Variants in PAK5 observed in about 807,000 individuals in gnomAD.
PAK5 encodes the protein serine/threonine-protein kinase PAK 5.
A neutral mutation model predicts 65.9 loss-of-function variants in PAK5; 16 were observed. The observed-to-expected ratio is 0.24, with a 90% confidence interval of 0.16 to 0.37. PAK5 has a LOEUF of 0.37. Among genes scored for constraint, PAK5 ranks in the 10% least tolerant of loss-of-function variants. PAK5 has a pLI of 1.00. For missense variants in PAK5, 785 were observed against 903.9 expected (o/e 0.87, Z 1.69); for synonymous variants, 371 against 354.9 (o/e 1.05, Z -0.51).
intron 1 of PAK5, among the ~76,000 whole-genome samples, chr20:9,783,403 C>T (rs554388752): frequency 1.3e-5 from 2 of 152,264 alleles, no homozygotes; most frequent in East Asian, 3.9e-4. Context: ...TTGCCTCCTA[C>T]CTGAAGTATG....
intron 1 of PAK5, among the ~76,000 whole-genome samples, chr20:9,721,465 T>C (rs2048212422): frequency 6.6e-6 from 1 of 151,836 alleles, no homozygotes; most frequent in South Asian, 2.1e-4. Flanking sequence ...CTGGCCAACA[T>C]GGTGAAACCC....
intron 1 of PAK5, among the ~76,000 whole-genome samples, chr20:9,721,405 T>C (rs2048211411): frequency 6.6e-6 from 1 of 152,040 alleles, no homozygotes; most frequent in African/African-American, 2.4e-5. Context: ...TTCAGCACTT[T>C]GGTAGGCCGA....
At chr20:9,558,043 T>TATTCATTCATTCATTCATTC (rs35860631) in intron 6 of PAK5, among the ~76,000 whole-genome samples, 27 of 138,952 alleles carry the variant, frequency 1.9e-4, no homozygotes, top group African/African-American at 6.8e-4. Context: ...TTTATTTATT[T>TATTCATTCATTCATTCATTC]ATTCATTCAT....
intron 1 of PAK5, among the ~76,000 whole-genome samples, chr20:9,727,255 G>A (rs1222976716): frequency 2.0e-5 from 3 of 152,008 alleles, no homozygotes; most frequent in African/African-American, 7.3e-5. Flanking sequence ...TGTACTATAC[G>A]GTAAAGGTTG....
chr20:9,784,376 C>T (rs188535431), intron 1 of PAK5: 3 of 152,124 alleles, frequency 2.0e-5, no homozygotes, highest in Admixed American at 6.5e-5. Flanking sequence ...AAGCATCCAG[C>T]GAAAGTTGGA....
At chr20:9,787,768 C>T (rs991648352) in intron 1 of PAK5, among the ~76,000 whole-genome samples, 46 of 151,942 alleles carry the variant, frequency 3.0e-4, no homozygotes, top group African/African-American at 1.1e-3. Flanking sequence ...CAGTAGACAC[C>T]ATGGTACAGT....
chr20:9,552,345 G>C (rs1189695646), intron 7 of PAK5, among the ~76,000 whole-genome samples: 2 of 152,152 alleles, frequency 1.3e-5, no homozygotes, highest in Non-Finnish European at 2.9e-5. Context: ...GTTGGCCCTA[G>C]GCCAAGGAAA....
At chr20:9,573,645 TGAGA>T (rs2045832052) in intron 4 of PAK5, among the ~76,000 whole-genome samples, 1 of 151,578 alleles carries the variant, frequency 6.6e-6, no homozygotes, top group South Asian at 2.1e-4. Context: ...TAGGGGAGGG[TGAGA>T]GAAAGAAGAG....
At chr20:9,709,067 T>C (rs2048045512) in intron 2 of PAK5, among the ~76,000 whole-genome samples, 1 of 152,186 alleles carries the variant, frequency 6.6e-6, no homozygotes, top group Non-Finnish European at 1.5e-5. Context: ...TAGTTCATGT[T>C]AGTCTTGTTG....
rs2123016674 is a variant in PAK5 at position 9,580,637 on chromosome 20, G to C, written c.498C>G (p.Ala166=). The C allele has an allele frequency of 6.2e-7, 1 of 1,614,050 alleles. No individual in the cohort carries two copies. ...TTTTCATTACGTGCCCATTTTGCTTGGCTGCGTGGCTGCCTCTATAATACG... is the reference window on the plus strand; with the variant it reads ...TTTTCATTACGTGCCCATTTTGCTTCGCTGCGTGGCTGCCTCTATAATACG... ...LDPYYRGSHA[A]KQNGHVMKMK... The change falls in exon 4 of 10, where the codon GCC becomes GCG. Residue 166 remains alanine (A), a synonymous_variant. Coordinates refer to ENST00000353224, the MANE Select transcript of PAK5 (RefSeq NM_177990.4).
chr20:9,765,988 C>T (rs2123660568), intron 1 of PAK5, among the ~76,000 whole-genome samples: 1 of 152,050 alleles, frequency 6.6e-6, no homozygotes, highest in Non-Finnish European at 1.5e-5. Flanking sequence ...CTTTGGGAGG[C>T]CCAGGCAGGC....
chr20:9,664,767 A>G (rs886259981), intron 2 of PAK5, among the ~76,000 whole-genome samples: 3 of 152,180 alleles, frequency 2.0e-5, no homozygotes, highest in African/African-American at 7.2e-5. Flanking sequence ...TTCATGTTAC[A>G]TATTGTAGCC....
At chr20:9,678,802 G>A (rs1363463767) in intron 2 of PAK5, among the ~76,000 whole-genome samples, 1 of 152,028 alleles carries the variant, frequency 6.6e-6, no homozygotes, top group Admixed American at 6.6e-5. Context: ...CATGACAACA[G>A]CATGGAGGTC....
At chr20:9,636,676 G>A (rs1242652866) in intron 3 of PAK5, among the ~76,000 whole-genome samples, 1 of 152,144 alleles carries the variant, frequency 6.6e-6, no homozygotes, top group Non-Finnish European at 1.5e-5. Flanking sequence ...CTTCAAAACA[G>A]CTGGTTTAGA....
chr20:9,818,866 C>G (rs367963809), intron 1 of PAK5: 1 of 152,248 alleles, frequency 6.6e-6, no homozygotes, highest in South Asian at 2.1e-4. Flanking sequence ...TATAAAGAAA[C>G]ATGGGTATTG....
intron 9 of PAK5, among the ~76,000 whole-genome samples, chr20:9,540,509 G>T (rs558025909): frequency 6.6e-6 from 1 of 150,716 alleles, no homozygotes; most frequent in South Asian, 2.1e-4. Context: ...ACTCAGTGTT[G>T]TATCTGTGAG....
intron 1 of PAK5, among the ~76,000 whole-genome samples, chr20:9,792,524 G>A (rs941320973): frequency 6.6e-6 from 1 of 152,118 alleles, no homozygotes; most frequent in Non-Finnish European, 1.5e-5. Flanking sequence ...TCCAAAAATT[G>A]CCAGGAACTT....
intron 1 of PAK5, among the ~76,000 whole-genome samples, chr20:9,730,015 G>A (rs68025954): frequency 0.12 from 14,185 of 119,238 alleles, 1,135 homozygotes; most frequent in Middle Eastern, 0.2. Context: ...AAAAAAAAAA[G>A]AGAGAGAGAG....
At chr20:9,592,604 A>T (rs570220863) in intron 3 of PAK5, among the ~76,000 whole-genome samples, 1 of 152,358 alleles carries the variant, frequency 6.6e-6, no homozygotes, top group African/African-American at 2.4e-5. Flanking sequence ...AATTGCACCA[A>T]ACCAAAAGTT....
Sources: gnomAD v4.1 joint callset for allele counts (sites outside exome capture counted in the v4.1 genomes callset) on GRCh38, gnomAD v4.1.1 for gene constraint, MANE v1.5 for transcripts, NCBI Gene and HGNC (gene_info 2026-07-23, HGNC 2026-07-21) for gene names.